EXOSC10: variants seen among roughly 807,000 people sequenced by gnomAD.
EXOSC10 encodes the protein exosome complex component 10.
EXOSC10 carries 94 observed loss-of-function variants against 126.6 expected under a neutral mutation model. The observed-to-expected ratio is 0.74, with a 90% CI of 0.63 to 0.88. EXOSC10 has a LOEUF of 0.88. Ranked by LOEUF, EXOSC10 falls within the 40% of genes least tolerant of loss-of-function variation. EXOSC10 has a pLI of 0.00. For missense variants in EXOSC10, 1,041 were observed against 1,100.5 expected, an observed-to-expected ratio of 0.95 and a Z score of 0.77; for synonymous variants, 395 against 400.8, an observed-to-expected ratio of 0.99 and a Z score of 0.17.
chr1:11,096,582 T>C (rs993641082), intron 2 of EXOSC10, among the ~76,000 whole-genome samples: 4 of 150,304 alleles, frequency 2.7e-5, no homozygotes, highest in African/African-American at 9.8e-5. Context: ...GCTCAAGTGA[T>C]ACTCCCACCT....
chr1:11,098,290 C>G, intron 1 of EXOSC10, 134 bp from the exon 2 acceptor site: 1 of 1,059,964 alleles, frequency 9.4e-7, no homozygotes, highest in Non-Finnish European at 1.3e-6. Flanking sequence ...GTGCCAAACC[C>G]CAATCTAATC....
chr1:11,070,449 G>C (rs556250157), intron 21 of EXOSC10, among the ~76,000 whole-genome samples: 1 of 148,126 alleles, frequency 6.8e-6, no homozygotes, highest in South Asian at 2.1e-4. Context: ...TTGAGCCCAA[G>C]AGTTTGAGGC....
At chr1:11,085,104 G>A (rs376054732) in intron 9 of EXOSC10, among the ~76,000 whole-genome samples, 7 of 152,220 alleles carry the variant, frequency 4.6e-5, no homozygotes, top group African/African-American at 1.4e-4. Context: ...TTGACTTGGC[G>A]ATGCAGGCTC....
intron 2 of EXOSC10, among the ~76,000 whole-genome samples, chr1:11,096,477 T>C (rs1201429350): frequency 1.1e-4 from 17 of 147,864 alleles, no homozygotes; most frequent in South Asian, 4.3e-4. Flanking sequence ...CTTTCTTTTT[T>C]TTTTTTTTTT....
At chr1:11,074,467 C>T in intron 17 of EXOSC10, 141 bp from the exon 18 acceptor site, 3 of 607,552 alleles carry the variant, frequency 4.9e-6, no homozygotes, top group Middle Eastern at 4.5e-4. Flanking sequence ...GGCTGGAGTA[C>T]AGTGGTGTGA....
intron 1 of EXOSC10, among the ~76,000 whole-genome samples, 189 bp from the exon 2 acceptor site, chr1:11,098,345 C>T (rs544275718): frequency 6.6e-6 from 1 of 152,250 alleles, no homozygotes; most frequent in East Asian, 1.9e-4. Flanking sequence ...AAGTTTGGAG[C>T]TTATATTCTT....
intron 3 of EXOSC10, among the ~76,000 whole-genome samples, chr1:11,094,603 CTTTT>C (rs772853273): frequency 7.8e-6 from 1 of 128,040 alleles, no homozygotes; most frequent in Non-Finnish European, 1.7e-5. Flanking sequence ...GCCAGGCCAC[CTTTT>C]TTTTTTTTTT....
intron 22 of EXOSC10, 87 bp from the exon 23 acceptor site, chr1:11,068,793 A>C: frequency 9.3e-7 from 1 of 1,070,026 alleles, no homozygotes; most frequent in Non-Finnish European, 1.5e-6. Flanking sequence ...GGACCATGAC[A>C]CTCAGGGAAG....
intron 9 of EXOSC10, among the ~76,000 whole-genome samples, chr1:11,084,083 A>G (rs904233330): frequency 6.6e-6 from 1 of 152,206 alleles, no homozygotes; most frequent in Non-Finnish European, 1.5e-5. Flanking sequence ...TGCCGCAATA[A>G]ACATATGTGT....
chr1:11,098,487 G>A (rs938972927), intron 1 of EXOSC10, among the ~76,000 whole-genome samples: 1 of 152,184 alleles, frequency 6.6e-6, no homozygotes, highest in Non-Finnish European at 1.5e-5. Context: ...GGACTTTAGT[G>A]TTCTCCTCTG....
At chr1:11,099,438 T>C (rs1641302748) in intron 1 of EXOSC10, among the ~76,000 whole-genome samples, 1 of 152,166 alleles carries the variant, frequency 6.6e-6, no homozygotes, top group East Asian at 1.9e-4. Flanking sequence ...TCGCAAGGGC[T>C]AGGGACGTCT....
Position 11,080,890 on chromosome 1 carries a change from G to A in EXOSC10, c.1460C>T (p.Thr487Met), listed in dbSNP as rs748350072. ...ATAGAGTTCAAGGTAGGACTCATCC[G>A]TGAAGATAGGTTTGATGAATTTCTA... ...CLKKFIKPIF[T>M]DESYLELYRK... Residue 487 changes from threonine to methionine, a missense_variant, in exon 12 of 25, where the codon ACG (threonine) becomes ATG (methionine). Thr to Met is a moderately conservative substitution (Grantham distance 81). Coordinates refer to ENST00000376936, the MANE Select transcript of EXOSC10 (RefSeq NM_001001998.3). 22 of 1,607,628 alleles carry A rather than the reference G, an allele frequency of 1.4e-5. No individual in the cohort carries two copies. Among genetic ancestry groups the A allele is most frequent in the African/African-American group, 5.4e-5 (4 of 74,526 alleles).
Position 11,098,048 on chromosome 1 carries a change from C to G in EXOSC10, c.220G>C (p.Glu74Gln), listed in dbSNP as rs62623443. 1 of 1,611,704 alleles carries G rather than the reference C, an allele frequency of 6.2e-7. No homozygotes were observed. The highest frequency in any genetic ancestry group is 1.7e-5 in the Admixed American group (1 of 59,444). ...TGAAGCAACCTGTCTCCCTGTGTTT[C>G]GCAAAATGCTTGGAAGCCAGGAAAA... is the stretch of plus-strand genomic sequence containing the variant. ...RSFPGFQAFC[E>Q]TQGDRLLQCM... The change falls in exon 2 of 25, where the codon GAA becomes CAA. Residue 74 changes from glutamate (E) to glutamine (Q), a missense_variant. Glu to Gln is a conservative substitution (Grantham distance 29). Around this residue, in one of 3 missense-constraint regions of EXOSC10, gnomAD observed 645 missense variants for 656.3 expected, o/e 0.98. Transcript: ENST00000376936.
chr1:11,095,743 A>G lies in EXOSC10; in HGVS notation c.372+15T>C, dbSNP rs767989601. ...ACAAAACAAAACAAAAAAAAGAGTA[A>G]GGGAAAATACTCACCACTCTCTCCA... On this transcript the variant is annotated intron_variant, in intron 3 of 24. Transcript: ENST00000376936. 2 of 1,612,052 alleles carry G rather than the reference A, an allele frequency of 1.2e-6. No individual in the cohort carries two copies. Among genetic ancestry groups the G allele is most frequent in the African/African-American group, 2.7e-5 (2 of 74,944 alleles).
intron 7 of EXOSC10, 56 bp downstream of exon 7, chr1:11,088,067 A>C (rs1640599561): frequency 7.7e-6 from 11 of 1,424,350 alleles, no homozygotes; most frequent in Admixed American, 1.9e-5. Flanking sequence ...GAATCTACTT[A>C]TTTGATTCCT....
chr1:11,087,854 G>T lies in EXOSC10; in HGVS notation c.891C>A (p.Leu297=), dbSNP rs780071646. The T allele has an allele frequency of 6.2e-7, 1 of 1,613,750 alleles. No homozygotes were observed. Among genetic ancestry groups the T allele is most frequent in the African/African-American group, 1.3e-5 (1 of 74,872 alleles). The change falls in exon 8 of 25, where the codon CTC becomes CTA. Residue 297 remains leucine (L), a synonymous_variant. Transcript: ENST00000376936. ...TCAAGAGCTTTTCGTTGAGTTCCAC[G>T]AGTTCATCCAGGGAGGATATGAAAT... is the stretch of plus-strand genomic sequence containing the variant. ...PCHFISSLDE[L]VELNEKLLNC... is the part of the protein sequence containing the mutation.
Position 11,080,860 on chromosome 1 carries a change from T to C in EXOSC10, c.1490A>G (p.Lys497Arg). 1 of 1,614,090 alleles carries C rather than the reference T, an allele frequency of 6.2e-7. No homozygotes were observed. The highest frequency in any genetic ancestry group is 8.5e-7 in the Non-Finnish European group (1 of 1,179,994). The part of the protein sequence containing the change: ...TDESYLELYR[K>R]QKKHLNTQQL... ...CTGTGTGTTAAGGTGCTTCTTCTGC[T>C]TCCTATAGAGTTCAAGGTAGGACTC... is the stretch of plus-strand genomic sequence containing the variant. The change falls in exon 12 of 25, where the codon AAG becomes AGG. Residue 497 changes from lysine (K) to arginine (R), a missense_variant. Coordinates refer to ENST00000376936, the MANE Select transcript of EXOSC10 (RefSeq NM_001001998.3).
intron 14 of EXOSC10, 109 bp downstream of exon 14, chr1:11,079,602 C>T: frequency 1.2e-6 from 1 of 845,114 alleles, no homozygotes; most frequent in South Asian, 1.5e-5. Context: ...CCATGTTGGC[C>T]AGGCTGGTCT....
rs148055003 is a variant in EXOSC10, at chr1:11,076,550, G to A, written c.1986+292C>T. Among the ~76,000 whole-genome samples, 14 of 152,224 alleles carry A rather than the reference G, an allele frequency of 9.2e-5. No individual in the cohort carries two copies. In the East Asian group the frequency reaches 1.4e-3, roughly 15 times the overall value. On this transcript the variant is annotated intron_variant, in intron 17 of 24. Coordinates refer to ENST00000376936, the MANE Select transcript of EXOSC10 (RefSeq NM_001001998.3). ...AGCCCTGCTTGTATGTTCTCTTAGC[G>A]CAGGCCCTCCTCCCACTAGGTGCTG... is the stretch of plus-strand genomic sequence containing the variant.
Sources: allele counts gnomAD v4.1 joint callset (sites outside exome capture counted in the v4.1 genomes callset), GRCh38; gene constraint gnomAD v4.1.1; regional missense constraint gnomAD v4.1.1; transcripts MANE v1.5; gene names NCBI Gene and HGNC (gene_info 2026-07-23, HGNC 2026-07-21).